Variants in SLIT2 observed in about 807,000 individuals in gnomAD.
SLIT2 encodes slit guidance ligand 2, also known as slit homolog 2 protein.
SLIT2 carries 41 observed loss-of-function variants against 185.7 expected under a neutral mutation model. That is an observed-to-expected ratio of 0.22 (90% CI 0.17 to 0.29). SLIT2 has a LOEUF of 0.29. Among genes scored for constraint, SLIT2 ranks in the 10% least tolerant of loss-of-function variants. The pLI is 1.00. For missense variants in SLIT2, 1,571 were observed against 1,909.0 expected (o/e 0.82, Z 3.30); for synonymous variants, 693 against 680.2 (o/e 1.02, Z -0.29).
In SLIT2 at chr4:20,610,180, C is replaced by CA. The variant is rs1729103611; in HGVS notation, c.3847+13_3847+14insA. 1 of 1,605,582 alleles carries CA rather than the reference C, an allele frequency of 6.2e-7. No individual in the cohort carries two copies. The highest frequency in any genetic ancestry group is 8.5e-7 in the Non-Finnish European group (1 of 1,176,514). ...CTCTATGTAGGAGGTAAGCTGTCTT[C>CA]CAAATTCAGGTGGTCCTGAAACCCT... On this transcript the variant is annotated intron_variant, in intron 34 of 36. Coordinates refer to ENST00000504154, the MANE Select transcript of SLIT2 (RefSeq NM_004787.4).
chr4:20,272,233 T>C (rs1713701755), intron 4 of SLIT2, among the ~76,000 whole-genome samples: 1 of 149,836 alleles, frequency 6.7e-6, no homozygotes, highest in Admixed American at 6.7e-5. Flanking sequence ...AAAGTGCAAG[T>C]CCAGGGAAAC....
At chr4:20,454,647 C>A (rs1034483430) in intron 4 of SLIT2, among the ~76,000 whole-genome samples, 20 of 152,264 alleles carry the variant, frequency 1.3e-4, no homozygotes, top group Non-Finnish European at 2.8e-4. Flanking sequence ...AATTTACAGG[C>A]AGGTTTGCCA....
intron 5 of SLIT2, among the ~76,000 whole-genome samples, chr4:20,479,104 T>A (rs1367401647): frequency 1.3e-5 from 2 of 152,224 alleles, no homozygotes; most frequent in African/African-American, 4.8e-5. Context: ...AAATTGTATC[T>A]TCTTTGGGGT....
At chr4:20,429,168 A>C (rs1728775986) in intron 4 of SLIT2, among the ~76,000 whole-genome samples, 1 of 151,984 alleles carries the variant, frequency 6.6e-6, no homozygotes, top group East Asian at 1.9e-4. Context: ...GTGCTTTTCA[A>C]AATAGACGGA....
chr4:20,297,987 A>T (rs942725844), intron 4 of SLIT2, among the ~76,000 whole-genome samples: 1 of 152,110 alleles, frequency 6.6e-6, no homozygotes, highest in African/African-American at 2.4e-5. Context: ...TATTTAATCC[A>T]TATGTATCTA....
intron 30 of SLIT2, among the ~76,000 whole-genome samples, chr4:20,595,231 A>G (rs765144874): frequency 1.1e-4 from 17 of 152,226 alleles, no homozygotes; most frequent in Non-Finnish European, 2.4e-4. Context: ...TGATGTATCT[A>G]GTCTCTATTG....
chr4:20,273,825 A>G (rs1323978044), intron 4 of SLIT2, among the ~76,000 whole-genome samples: 1 of 152,196 alleles, frequency 6.6e-6, no homozygotes, highest in African/African-American at 2.4e-5. Context: ...AATTTCTGCC[A>G]GCTCTGATTA....
chr4:20,335,093 T>C (rs1391601835), intron 4 of SLIT2, among the ~76,000 whole-genome samples: 1 of 152,188 alleles, frequency 6.6e-6, no homozygotes, highest in African/African-American at 2.4e-5. Context: ...AGCACAGTGT[T>C]ACCAAAGCCC....
chr4:20,478,120 G>A (rs1472144301), intron 5 of SLIT2, among the ~76,000 whole-genome samples: 2 of 152,152 alleles, frequency 1.3e-5, no homozygotes, highest in Non-Finnish European at 2.9e-5. Flanking sequence ...TTTCTCATGA[G>A]CAGTGATACC....
chr4:20,496,529 C>G (rs1280792291), intron 9 of SLIT2, among the ~76,000 whole-genome samples: 2 of 152,240 alleles, frequency 1.3e-5, no homozygotes, highest in South Asian at 4.1e-4. Context: ...TCCAACAGGC[C>G]TCATTATACT....
At chr4:20,337,553 A>G (rs1164649942) in intron 4 of SLIT2, among the ~76,000 whole-genome samples, 1 of 152,332 alleles carries the variant, frequency 6.6e-6, no homozygotes, top group East Asian at 1.9e-4. Flanking sequence ...ATCAAATAGC[A>G]AAGAGCTTAA....
Position 20,299,406 on chromosome 4 carries a change from G to A in SLIT2, c.395+30525G>A, listed in dbSNP as rs372505484. Among the ~76,000 whole-genome samples the A allele has an allele frequency of 1.4e-4, 21 of 152,150 alleles. No homozygotes were observed. In the East Asian group the frequency reaches 2.5e-3, roughly 18 times the overall value. ...GCTATTATACTTTCTTGTACAGTTCGTTCAAAGGAGGACATGTGTTTTGTC... is the reference window on the plus strand; with the variant it reads ...GCTATTATACTTTCTTGTACAGTTCATTCAAAGGAGGACATGTGTTTTGTC... On this transcript the variant is annotated intron_variant, in intron 4 of 36. Coordinates refer to ENST00000504154, the MANE Select transcript of SLIT2 (RefSeq NM_004787.4).
chr4:20,270,928 A>G (rs1379471853), intron 4 of SLIT2, among the ~76,000 whole-genome samples: 1 of 151,898 alleles, frequency 6.6e-6, no homozygotes, highest in East Asian at 1.9e-4. Flanking sequence ...TTTTCTCTCG[A>G]GAGAATAAGT....
chr4:20,454,307 T>G (rs889848528), intron 4 of SLIT2, among the ~76,000 whole-genome samples: 2 of 152,184 alleles, frequency 1.3e-5, no homozygotes, highest in Non-Finnish European at 2.9e-5. Context: ...TAACACATAC[T>G]GTTATTAGGA....
chr4:20,501,970 AT>A (rs67186031), intron 9 of SLIT2, among the ~76,000 whole-genome samples: 4 of 151,662 alleles, frequency 2.6e-5, no homozygotes, highest in African/African-American at 7.3e-5. Flanking sequence ...CTTCATTTAT[AT>A]TTTTTTTTTG....
chr4:20,485,886 T>G (rs1458808464), intron 6 of SLIT2, among the ~76,000 whole-genome samples: 2 of 152,214 alleles, frequency 1.3e-5, no homozygotes, highest in African/African-American at 4.8e-5. Context: ...AACTATCCCG[T>G]GTTTATTTCT....
chr4:20,467,439 A>G (rs1338928363), intron 4 of SLIT2, among the ~76,000 whole-genome samples: 2 of 152,050 alleles, frequency 1.3e-5, no homozygotes, highest in African/African-American at 4.8e-5. Flanking sequence ...ACAATTTACT[A>G]TTCTTTAAAG....
intron 8 of SLIT2, among the ~76,000 whole-genome samples, chr4:20,490,446 G>GT (rs1717682234): frequency 6.6e-6 from 1 of 151,682 alleles, no homozygotes; most frequent in African/African-American, 2.4e-5. Context: ...TATATGTGTG[G>GT]GTGTGTGTGT....
rs775987909 is a variant in SLIT2, at chr4:20,539,460, A to G, written c.1852A>G (p.Ile618Val). 2.5e-6 allele frequency: 4 copies of G among 1,612,898 alleles called. No homozygotes were observed. The Admixed American group carries it at 6.7e-5, about 27-fold the overall frequency. The change falls in exon 19 of 37, where the codon ATA (isoleucine) becomes GTA (valine). Residue 618 changes from isoleucine to valine, a missense_variant. Around this residue, in one of 3 missense-constraint regions of SLIT2, gnomAD observed 1,202 missense variants for 1,416.4 expected, o/e 0.85. Transcript: ENST00000504154. Reference sequence around the variant, plus strand: ...CCTCAGGATGTTGAGAAGCAATCGAATAACCTGTGTGGGGAATGACAGTTT... The same window carrying G: ...CCTCAGGATGTTGAGAAGCAATCGAGTAACCTGTGTGGGGAATGACAGTTT... ...LKTLMLRSNR[I>V]TCVGNDSFIG...
Sources: gnomAD v4.1 joint callset for allele counts (sites outside exome capture counted in the v4.1 genomes callset) on GRCh38, gnomAD v4.1.1 for gene constraint, gnomAD v4.1.1 regional missense constraint, MANE v1.5 for transcripts, NCBI Gene and HGNC (gene_info 2026-07-23, HGNC 2026-07-21) for gene names.